The following DLC1 variants were observed in gnomAD, a reference collection of about 807,000 sequenced individuals.
DLC1 encodes the protein DLC1 Rho GTPase activating protein.
Under a neutral mutation model 140.3 loss-of-function variants are expected in DLC1, and 54 were observed. The ratio of observed to expected loss-of-function variants is 0.38; its 90% CI spans 0.31 to 0.48. DLC1 has a LOEUF of 0.48. Ranked by LOEUF, DLC1 falls within the 20% of genes least tolerant of loss-of-function variation. DLC1 has a pLI of 0.96. For missense variants in DLC1, 2,536 were observed against 1,907.0 expected (o/e 1.33, Z -6.14); for synonymous variants, 986 against 728.1 (o/e 1.35, Z -5.70).
At chr8:13,501,108 T>C (rs1801791984) in intron 1 of DLC1, among the ~76,000 whole-genome samples, 1 of 152,158 alleles carries the variant, frequency 6.6e-6, no homozygotes. Flanking sequence ...CAAGTGAACA[T>C]AAAGGAAGAT....
At chr8:13,282,790 G>T (rs1831408751) in intron 5 of DLC1, among the ~76,000 whole-genome samples, 2 of 152,080 alleles carry the variant, frequency 1.3e-5, no homozygotes, top group African/African-American at 2.4e-5. Flanking sequence ...TAAAATTGTG[G>T]TTATTGCAAT....
chr8:13,125,866 A>G (rs914538685), intron 5 of DLC1, among the ~76,000 whole-genome samples: 1 of 152,080 alleles, frequency 6.6e-6, no homozygotes, highest in Admixed American at 6.6e-5. Flanking sequence ...TGTGATGACA[A>G]CTTAATAAAT....
intron 5 of DLC1, among the ~76,000 whole-genome samples, chr8:13,256,877 C>T (rs1457862561): frequency 9.1e-6 from 1 of 110,348 alleles, no homozygotes; most frequent in South Asian, 3.2e-4. Flanking sequence ...TATCCCAGAA[C>T]TTAAAAAAAA....
At chr8:13,400,923 T>C (rs1837264871) in intron 3 of DLC1, among the ~76,000 whole-genome samples, 1 of 152,216 alleles carries the variant, frequency 6.6e-6, no homozygotes, top group Non-Finnish European at 1.5e-5. Flanking sequence ...AACTGATGCA[T>C]AATAAAATAC....
chr8:13,159,632 T>G (rs540263757), intron 5 of DLC1, among the ~76,000 whole-genome samples: 6 of 152,188 alleles, frequency 3.9e-5, no homozygotes, highest in African/African-American at 1.4e-4. Flanking sequence ...CTCATAACTT[T>G]CCTGGGTGAG....
intron 5 of DLC1, among the ~76,000 whole-genome samples, chr8:13,121,715 A>G: frequency 8.4e-6 from 1 of 118,616 alleles, no homozygotes; most frequent in Non-Finnish European, 1.7e-5. Context: ...TGCCTGGCTA[A>G]GTTTTTATAC....
chr8:13,458,412 T>A lies in DLC1; in HGVS notation c.1023+40637A>T, dbSNP rs115474098. Among the ~76,000 whole-genome samples, 1,241 of 152,336 alleles carry A rather than the reference T, an allele frequency of 8.1e-3. 26 individuals are homozygous for A. Among genetic ancestry groups the A allele is most frequent in the African/African-American group, 0.027 (1,134 of 41,582 alleles). ...TTAACTCCCAGCCCATTGATATTTC[T>A]ACTAATTGAAGTTTTGATTTTTTTG... On this transcript the variant is annotated intron_variant, in intron 2 of 17. Coordinates refer to ENST00000276297, the MANE Select transcript of DLC1 (RefSeq NM_182643.3).
intron 1 of DLC1, among the ~76,000 whole-genome samples, chr8:13,548,509 A>C (rs745448108): frequency 1.3e-5 from 2 of 152,042 alleles, no homozygotes. Context: ...TTTTTAAATA[A>C]ATGAATAAAG....
intron 1 of DLC1, among the ~76,000 whole-genome samples, chr8:13,537,847 G>A (rs1803340138): frequency 6.6e-6 from 1 of 151,808 alleles, no homozygotes; most frequent in Non-Finnish European, 1.5e-5. Flanking sequence ...TGGAGACAGG[G>A]TTTCACTGTG....
chr8:13,508,211 C>T (rs1003619334), intron 1 of DLC1, among the ~76,000 whole-genome samples: 8 of 152,188 alleles, frequency 5.3e-5, no homozygotes, highest in African/African-American at 9.7e-5. Flanking sequence ...GTTTGACTTA[C>T]CACCCACTTT....
chr8:13,097,494 C>T (rs757917416), intron 10 of DLC1, among the ~76,000 whole-genome samples: 3 of 151,892 alleles, frequency 2.0e-5, no homozygotes, highest in Admixed American at 6.6e-5. Flanking sequence ...AAACTCCTGG[C>T]GTCATGTGAT....
intron 5 of DLC1, among the ~76,000 whole-genome samples, chr8:13,281,718 T>C (rs1831372107): frequency 6.6e-6 from 1 of 152,200 alleles, no homozygotes; most frequent in South Asian, 2.1e-4. Context: ...GTGTTGAATA[T>C]ATCTATATGG....
chr8:13,300,004 T>C (rs548929870), intron 5 of DLC1, among the ~76,000 whole-genome samples: 1 of 152,280 alleles, frequency 6.6e-6, no homozygotes, highest in South Asian at 2.1e-4. Context: ...GCAGCACTAT[T>C]CACAATAGCA....
chr8:13,119,528 G>T (rs987576658), intron 5 of DLC1, among the ~76,000 whole-genome samples: 2 of 152,128 alleles, frequency 1.3e-5, no homozygotes, highest in African/African-American at 4.8e-5. Context: ...ATACGCATAA[G>T]GCCCTGTCTA....
intron 5 of DLC1, among the ~76,000 whole-genome samples, chr8:13,219,206 T>G (rs1828409371): frequency 7.5e-6 from 1 of 132,782 alleles, no homozygotes; most frequent in Non-Finnish European, 1.5e-5. Context: ...AAGAATATAA[T>G]TATATAATTA....
At chr8:13,197,459 C>G (rs1370646131) in intron 5 of DLC1, among the ~76,000 whole-genome samples, 3 of 151,956 alleles carry the variant, frequency 2.0e-5, no homozygotes, top group African/African-American at 7.3e-5. Context: ...CGCCATTCTC[C>G]TGCCTCAACC....
At chr8:13,367,649 A>G (rs1420579859) in intron 4 of DLC1, among the ~76,000 whole-genome samples, 2 of 152,218 alleles carry the variant, frequency 1.3e-5, no homozygotes, top group African/African-American at 4.8e-5. Flanking sequence ...TGAAGTCATC[A>G]TATCAGGCAC....
chr8:13,269,701 CAAAAAAAAAAAAA>C (rs57030004), intron 5 of DLC1, among the ~76,000 whole-genome samples: 2 of 99,478 alleles, frequency 2.0e-5, no homozygotes, highest in East Asian at 2.3e-4. Flanking sequence ...AAAACTCTGT[CAAAAAAAAAAAAA>C]AAAAAAAAAA....
At chr8:13,576,801 A>C (rs1804853312) in intron 1 of DLC1, among the ~76,000 whole-genome samples, 1 of 152,176 alleles carries the variant, frequency 6.6e-6, no homozygotes, top group Non-Finnish European at 1.5e-5. Context: ...CTAGGCTGCA[A>C]GGACTGTGTG....
Sources: allele counts gnomAD v4.1 joint callset (sites outside exome capture counted in the v4.1 genomes callset), GRCh38; gene constraint gnomAD v4.1.1; transcripts MANE v1.5; gene names NCBI Gene and HGNC (gene_info 2026-07-23, HGNC 2026-07-21).